Variants in DGKB observed in about 807,000 individuals in gnomAD.
The protein encoded by DGKB is diacylglycerol kinase beta.
In DGKB, 67 loss-of-function variants were observed where a neutral mutation model predicts 114.3. The ratio of observed to expected loss-of-function variants is 0.59; its 90% CI spans 0.48 to 0.72. The LOEUF (loss-of-function observed/expected upper bound fraction) is 0.72. Ranked by LOEUF, DGKB falls within the 30% of genes least tolerant of loss-of-function variation. The probability of loss-of-function intolerance (pLI) is 0.00; values close to 1 mark genes in which losing one functional copy is unlikely to be tolerated. For synonymous variants in DGKB, 398 were observed against 323.1 expected (o/e 1.23, Z -2.49); for missense variants, 907 against 975.2 (o/e 0.93, Z 0.93).
chr7:14,575,621 C>T (rs1277469411), intron 19 of DGKB, among the ~76,000 whole-genome samples: 1 of 152,114 alleles, frequency 6.6e-6, no homozygotes, highest in Non-Finnish European at 1.5e-5. Context: ...ATAAAAAGTT[C>T]TCAGTAATAT....
At chr7:14,856,940 A>C (rs556846416) in intron 1 of DGKB, among the ~76,000 whole-genome samples, 10 of 152,218 alleles carry the variant, frequency 6.6e-5, no homozygotes, top group Admixed American at 3.3e-4. Flanking sequence ...AGTCACCCCT[A>C]ACCTCAGCTC....
chr7:14,501,967 A>G (rs1786254613), intron 20 of DGKB, among the ~76,000 whole-genome samples: 1 of 151,824 alleles, frequency 6.6e-6, no homozygotes, highest in Admixed American at 6.6e-5. Context: ...TGGTGAGTAT[A>G]TTTTGCATGT....
chr7:14,600,768 A>T (rs566549032), intron 17 of DGKB, among the ~76,000 whole-genome samples: 8 of 152,362 alleles, frequency 5.3e-5, no homozygotes, highest in African/African-American at 1.7e-4. Context: ...CTCTTTGACG[A>T]TGTGTCCTGC....
At chr7:14,310,471 T>C (rs1186799814) in intron 23 of DGKB, among the ~76,000 whole-genome samples, 1 of 152,106 alleles carries the variant, frequency 6.6e-6, no homozygotes, top group East Asian at 1.9e-4. Flanking sequence ...GAATAATAAA[T>C]AGAGTATGGA....
intron 1 of DGKB, among the ~76,000 whole-genome samples, chr7:14,926,953 T>C (rs1268804790): frequency 6.6e-6 from 1 of 152,064 alleles, no homozygotes; most frequent in African/African-American, 2.4e-5. Flanking sequence ...CCCTTTCATT[T>C]GAATATAATT....
chr7:14,296,965 A>AT (rs1442552685), intron 23 of DGKB, among the ~76,000 whole-genome samples: 1 of 152,172 alleles, frequency 6.6e-6, no homozygotes, highest in Non-Finnish European at 1.5e-5. Context: ...GAAGAAATGG[A>AT]TAAATTCCTG....
intron 19 of DGKB, among the ~76,000 whole-genome samples, chr7:14,579,122 C>A (rs994078441): frequency 6.6e-6 from 1 of 152,124 alleles, no homozygotes; most frequent in South Asian, 2.1e-4. Flanking sequence ...TCTTCTGATT[C>A]TTTGATATTT....
intron 1 of DGKB, among the ~76,000 whole-genome samples, chr7:14,857,675 AT>A (rs1334648140): frequency 6.6e-6 from 1 of 151,982 alleles, no homozygotes; most frequent in African/African-American, 2.4e-5. Context: ...TAAACTGCCT[AT>A]TTATATCATT....
rs376632548 is a variant in DGKB, at chr7:14,682,825, G to C, written c.846C>G (p.Val282=). Residue 282 remains valine (V), a synonymous_variant, in exon 11 of 26, where the codon GTC becomes GTG. Transcript: ENST00000402815. ...GTGCTCGAGCCACACAGCGCTCATG[G>C]ACTGTGTACTTGCAGACTGAAAGGA... ...GLCCSFCKYT[V]HERCVARAPP... is the part of the protein sequence containing the mutation. 3.8e-5 allele frequency: 60 copies of C among 1,593,774 alleles called. No homozygotes were observed. In the Middle Eastern group the frequency reaches 1.0e-3, roughly 26 times the overall value.
At chr7:14,718,869 G>A in intron 5 of DGKB, 184 bp from the exon 6 acceptor site, 2 of 514,320 alleles carry the variant, frequency 3.9e-6, no homozygotes, top group Non-Finnish European at 6.8e-6. Context: ...TGTAGATGAA[G>A]GAGAGTTCTT....
At chr7:14,203,693 T>G (rs1000709240) in intron 23 of DGKB, among the ~76,000 whole-genome samples, 4 of 151,926 alleles carry the variant, frequency 2.6e-5, no homozygotes, top group African/African-American at 9.7e-5. Context: ...ACAATTATAA[T>G]GTACTGGGGC....
chr7:14,945,845 A>G (rs1562894746), intron 1 of DGKB, among the ~76,000 whole-genome samples: 1 of 151,724 alleles, frequency 6.6e-6, no homozygotes, highest in African/African-American at 2.4e-5. Flanking sequence ...ACTTATCAAC[A>G]TCATATGATT....
rs532354999 is a variant in DGKB at position 14,459,996 on chromosome 7, C to G, written c.1835+18165G>C. On this transcript the variant is annotated intron_variant, in intron 21 of 25. Coordinates refer to ENST00000402815, the MANE Select transcript of DGKB (RefSeq NM_001350709.2). The stretch of plus-strand genomic sequence containing the variant: ...ACCCAGAATTCCATATCCAGGCAAA[C>G]TAAGCTTCGTAAGGGAAGGAGAAAT... 3.9e-5 allele frequency among the ~76,000 whole-genome samples: 6 copies of G among 152,226 alleles called. 1 individual carries two copies. In the East Asian group the frequency reaches 1.2e-3, roughly 29 times the overall value.
intron 25 of DGKB, among the ~76,000 whole-genome samples, chr7:14,155,768 G>C (rs986201555): frequency 1.3e-5 from 2 of 152,124 alleles, no homozygotes; most frequent in African/African-American, 4.8e-5. Context: ...CGTAATGTGT[G>C]TAGTGATGCT....
At chr7:14,582,470 T>C (rs1274987665) in intron 18 of DGKB, among the ~76,000 whole-genome samples, 1 of 152,216 alleles carries the variant, frequency 6.6e-6, no homozygotes, top group Admixed American at 6.5e-5. Flanking sequence ...CTCAGCTCTC[T>C]CAGTTCACAG....
At chr7:14,187,013 T>C (rs1482603652) in intron 23 of DGKB, among the ~76,000 whole-genome samples, 2 of 150,496 alleles carry the variant, frequency 1.3e-5, no homozygotes, top group Non-Finnish European at 1.5e-5. Flanking sequence ...CAATAACTTA[T>C]GGAAAAATAA....
intron 20 of DGKB, among the ~76,000 whole-genome samples, chr7:14,529,799 T>C (rs896625868): frequency 6.6e-6 from 1 of 151,798 alleles, no homozygotes; most frequent in African/African-American, 2.4e-5. Context: ...GCATGGCTTA[T>C]TTTGGATTGT....
chr7:14,860,256 T>C (rs1850778313), intron 1 of DGKB, among the ~76,000 whole-genome samples: 1 of 152,062 alleles, frequency 6.6e-6, no homozygotes, highest in South Asian at 2.1e-4. Context: ...CTTAAAAATA[T>C]TTTAGATTTC....
chr7:14,337,484 T>C (rs1810894032), intron 23 of DGKB, among the ~76,000 whole-genome samples: 1 of 152,140 alleles, frequency 6.6e-6, no homozygotes, highest in South Asian at 2.1e-4. Flanking sequence ...ACTTTCTCCA[T>C]CAATCTTTTC....
Sources: allele counts gnomAD v4.1 joint callset (sites outside exome capture counted in the v4.1 genomes callset), GRCh38; gene constraint gnomAD v4.1.1; transcripts MANE v1.5; gene names NCBI Gene and HGNC (gene_info 2026-07-23, HGNC 2026-07-21).